TSPAN4: variants seen among roughly 807,000 people sequenced by gnomAD.
The protein encoded by TSPAN4 is tetraspanin 4, also known as tetraspanin-4.
Under a neutral mutation model 31.5 loss-of-function variants are expected in TSPAN4, and 38 were observed. The observed-to-expected ratio is 1.21, with a 90% CI of 0.93 to 1.58. The LOEUF is 1.58. Ranked by LOEUF, TSPAN4 falls within the 40% of genes most tolerant of loss-of-function variation. The probability of loss-of-function intolerance (pLI) is 0.00; values close to 1 mark genes in which losing one functional copy is unlikely to be tolerated. For synonymous variants in TSPAN4, 186 were observed against 144.6 expected (o/e 1.29, Z -2.06); for missense variants, 330 against 317.3 (o/e 1.04, Z -0.30).
chr11:860,320 A>G (rs924964408), intron 3 of TSPAN4, among the ~76,000 whole-genome samples: 4 of 152,218 alleles, frequency 2.6e-5, no homozygotes, highest in African/African-American at 4.8e-5. Flanking sequence ...TTGGGGCACC[A>G]GCAGCCATGC....
At position 848,118 on chromosome 11, in the gene TSPAN4, C is replaced by T. The variant is rs1847422310; in HGVS notation, c.-18+818C>T. Reference sequence around the variant, plus strand: ...GCGCTGCACACGGCTGAGTGTCTGCCCTCAGGTTGCACCTGCGTGGCCAGG... The same window carrying T: ...GCGCTGCACACGGCTGAGTGTCTGCTCTCAGGTTGCACCTGCGTGGCCAGG... On this transcript the variant is annotated intron_variant, in intron 2 of 8. Coordinates refer to ENST00000397397, the MANE Select transcript of TSPAN4 (RefSeq NM_003271.5). This position sits in a 1 kb window ranked among gnomAD's most constrained non-coding sequence, Gnocchi z 5.7. Among the ~76,000 whole-genome samples the T allele has an allele frequency of 6.6e-6, 1 of 152,224 alleles. No homozygotes were observed. The highest frequency in any genetic ancestry group is 1.5e-5 in the Non-Finnish European group (1 of 68,026).
At chr11:847,825 C>T (rs1198146366) in intron 2 of TSPAN4, among the ~76,000 whole-genome samples, 1 of 152,146 alleles carries the variant, frequency 6.6e-6, no homozygotes, top group Admixed American at 6.5e-5. Context: ...CCCTCCCACC[C>T]GCCTGGGACC....
intron 2 of TSPAN4, among the ~76,000 whole-genome samples, chr11:847,964 G>T (rs909791437): frequency 6.6e-6 from 1 of 152,196 alleles, no homozygotes; most frequent in Non-Finnish European, 1.5e-5. Flanking sequence ...TGGTGTTTTT[G>T]ACTGCAGGTG....
At position 848,605 on chromosome 11, in the gene TSPAN4, C is replaced by T. The variant is rs1847448278; in HGVS notation, c.-18+1305C>T. On this transcript the variant is annotated intron_variant, in intron 2 of 8. Coordinates refer to ENST00000397397, the MANE Select transcript of TSPAN4 (RefSeq NM_003271.5). This position sits in a 1 kb window ranked among gnomAD's most constrained non-coding sequence, Gnocchi z 5.7. Reference sequence around the variant, plus strand: ...CTGCCACCTCCCACATCAGTCACTCCAGGAGGACCCAGGCCTCCAGAGCTG... The same window carrying T: ...CTGCCACCTCCCACATCAGTCACTCTAGGAGGACCCAGGCCTCCAGAGCTG... Among the ~76,000 whole-genome samples the T allele has an allele frequency of 6.6e-6, 1 of 152,150 alleles. No homozygotes were observed. The highest frequency in any genetic ancestry group is 1.5e-5 in the Non-Finnish European group (1 of 68,000).
chr11:866,021 G>A lies in TSPAN4; in HGVS notation c.648+20G>A, dbSNP rs548412385. The A allele has an allele frequency of 1.5e-4, 239 of 1,608,968 alleles. No homozygotes were observed. Among genetic ancestry groups the A allele is most frequent in the Non-Finnish European group, 1.9e-4 (229 of 1,178,316 alleles). On this transcript the variant is annotated intron_variant, in intron 8 of 8. Coordinates refer to ENST00000397397, the MANE Select transcript of TSPAN4 (RefSeq NM_003271.5). ...GTGCAGGTATGGCCTGGGGGCCTGC[G>A]GGCTCCCTGCCCCCACTTTGTTAGG...
At chr11:845,236 G>C (rs1432232423) in intron 1 of TSPAN4, among the ~76,000 whole-genome samples, 1 of 152,164 alleles carries the variant, frequency 6.6e-6, no homozygotes, top group Non-Finnish European at 1.5e-5. Flanking sequence ...CTGTGGGATG[G>C]GGTGGGTGCA....
rs1345725973 is a variant in TSPAN4 at position 866,736 on chromosome 11, A to AGGAG, written c.*118_*121dup. ...CCTCGGTGCTCTGCCCCATGCTGGG[A>AGGAG]GGAGGGAGGGAGGGACAGGTGCCTG... On this transcript the variant is annotated 3_prime_UTR_variant, in exon 9 of 9. Coordinates refer to ENST00000397397, the MANE Select transcript of TSPAN4 (RefSeq NM_003271.5). 7 of 1,165,552 alleles carry AGGAG rather than the reference A, an allele frequency of 6.0e-6. No homozygotes were observed. In the Admixed American group the frequency reaches 1.3e-4, roughly 21 times the overall value. 72.2% of individuals were successfully genotyped at this position (1,165,552 alleles called of 1,614,324 possible). A position where few individuals can be genotyped will look rare whatever the true frequency, so the allele number is the denominator to read the frequency against.
intron 4 of TSPAN4, chr11:862,988 G>A: frequency 2.0e-6 from 1 of 495,138 alleles, no homozygotes; most frequent in Non-Finnish European, 3.6e-6. Context: ...ACCTTGTCAG[G>A]GGCCTCCCCT....
rs770150462 is a variant in TSPAN4 at position 865,901 on chromosome 11, G to A, written c.565-17G>A. On this transcript the variant is annotated splice_polypyrimidine_tract_variant and intron_variant, in intron 7 of 8. Transcript: ENST00000397397. ...CAGCAGGCCCTGCCGTGACACGCAT[G>A]ACATCCCTCCCTGCAGCCGTGCTAC... 3.4e-5 allele frequency: 55 copies of A among 1,613,064 alleles called. No individual in the cohort carries two copies. Among genetic ancestry groups the A allele is most frequent in the Non-Finnish European group, 4.6e-5 (54 of 1,179,962 alleles).
chr11:860,135 G>T (rs764681490), intron 3 of TSPAN4, among the ~76,000 whole-genome samples: 1 of 152,340 alleles, frequency 6.6e-6, no homozygotes, highest in East Asian at 1.9e-4. Context: ...AACTTTAAGC[G>T]GAGATGCTAC....
chr11:849,279 A>G (rs1365771992), intron 2 of TSPAN4, among the ~76,000 whole-genome samples: 1 of 151,998 alleles, frequency 6.6e-6, no homozygotes, highest in Non-Finnish European at 1.5e-5. Context: ...AACCTCCCAT[A>G]TAGTCAAAGA....
intron 4 of TSPAN4, 194 bp downstream of exon 4, chr11:862,935 GAT>G: frequency 1.6e-6 from 1 of 610,230 alleles, no homozygotes. Context: ...GCTGGGGGGT[GAT>G]TTGCAGAGCG....
chr11:855,183 G>A (rs2134018496), intron 3 of TSPAN4, among the ~76,000 whole-genome samples: 1 of 152,310 alleles, frequency 6.6e-6, no homozygotes, highest in African/African-American at 2.4e-5. Context: ...AGGGCAGGCA[G>A]GCCGGGCCTC....
chr11:852,441 G>A (rs901152254), intron 3 of TSPAN4, among the ~76,000 whole-genome samples: 3 of 152,288 alleles, frequency 2.0e-5, no homozygotes, highest in East Asian at 1.9e-4. Flanking sequence ...CCACCTTCCC[G>A]CCAGTCCAGC....
At chr11:858,915 A>G (rs1399841363) in intron 3 of TSPAN4, among the ~76,000 whole-genome samples, 6 of 43,814 alleles carry the variant, frequency 1.4e-4, no homozygotes, top group South Asian at 8.4e-4. Flanking sequence ...CACGCACCCC[A>G]GCTCTCACGC....
At chr11:863,177 C>T (rs527952368) in intron 4 of TSPAN4, 186 of 160,646 alleles carry the variant, frequency 1.2e-3, no homozygotes, top group Non-Finnish European at 1.8e-3. Context: ...GGACCGGCTG[C>T]TGGGACGATC....
chr11:863,973 G>A (rs1270721176), intron 4 of TSPAN4: 2 of 186,230 alleles, frequency 1.1e-5, no homozygotes, highest in South Asian at 1.2e-4. Flanking sequence ...GGACTGTGAC[G>A]TGTGGGCAGA....
At chr11:860,908 G>T (rs896503652) in intron 3 of TSPAN4, among the ~76,000 whole-genome samples, 1 of 152,120 alleles carries the variant, frequency 6.6e-6, no homozygotes, top group Non-Finnish European at 1.5e-5. Context: ...GTCAACCGTC[G>T]GCACCCCAGG....
At chr11:858,266 A>AGCCC (rs1396295829) in intron 3 of TSPAN4, 1 of 152,922 alleles carries the variant, frequency 6.5e-6, no homozygotes. Context: ...CACCCTGGAC[A>AGCCC]GCCCATCCCC....
Sources: gnomAD v4.1 joint callset for allele counts (sites outside exome capture counted in the v4.1 genomes callset) on GRCh38, gnomAD v4.1.1 for gene constraint, Gnocchi (gnomAD v3.1) non-coding constraint, MANE v1.5 for transcripts, NCBI Gene and HGNC (gene_info 2026-07-23, HGNC 2026-07-21) for gene names.